ADAMTS17: variants seen among roughly 807,000 people sequenced by gnomAD.
ADAMTS17 encodes ADAM metallopeptidase with thrombospondin type 1 motif 17, also known as A disintegrin and metalloproteinase with thrombospondin motifs 17.
In ADAMTS17, 113 loss-of-function variants were observed where a neutral mutation model predicts 141.5. The ratio of observed to expected loss-of-function variants is 0.80; its 90% CI spans 0.69 to 0.93. The LOEUF (loss-of-function observed/expected upper bound fraction) is 0.93. ADAMTS17 is among the 40% of genes least tolerant of loss of function. The pLI is 0.00. For synonymous variants in ADAMTS17, 768 were observed against 630.6 expected (o/e 1.22, Z -3.27); for missense variants, 1,659 against 1,517.9 (o/e 1.09, Z -1.54).
chr15:100,221,236 G>T (rs1440708846), intron 7 of ADAMTS17, among the ~76,000 whole-genome samples: 2 of 151,302 alleles, frequency 1.3e-5, no homozygotes, highest in African/African-American at 2.4e-5. Flanking sequence ...AAAATATGCT[G>T]GAAATGTTTA....
At chr15:100,214,842 G>A (rs1301779767) in intron 7 of ADAMTS17, among the ~76,000 whole-genome samples, 1 of 152,218 alleles carries the variant, frequency 6.6e-6, no homozygotes, top group Non-Finnish European at 1.5e-5. Context: ...GACGGTCCTC[G>A]ATTATCACTA....
intron 14 of ADAMTS17, among the ~76,000 whole-genome samples, chr15:100,107,116 A>C (rs1353340284): frequency 6.6e-6 from 1 of 152,188 alleles, no homozygotes; most frequent in Non-Finnish European, 1.5e-5. Context: ...AGCAGGAAAA[A>C]GCATCTGTTT....
intron 10 of ADAMTS17, among the ~76,000 whole-genome samples, chr15:100,135,681 T>A (rs762771577): frequency 6.6e-6 from 1 of 152,164 alleles, no homozygotes; most frequent in African/African-American, 2.4e-5. Context: ...CAACAAAGTG[T>A]TTGTATCCAA....
intron 3 of ADAMTS17, among the ~76,000 whole-genome samples, chr15:100,298,203 G>A (rs1486551284): frequency 6.6e-6 from 1 of 152,160 alleles, no homozygotes; most frequent in African/African-American, 2.4e-5. Flanking sequence ...GTCAAGGGAA[G>A]ATTTCCTTGA....
Position 99,974,384 on chromosome 15 carries a change from G to C in ADAMTS17, c.*18C>G. ...TCAGACCTGAGTCTGAGCTTTGAGC[G>C]ACCCTTGGGACTGCGTGTCACGAGT... On this transcript the variant is annotated 3_prime_UTR_variant, in exon 22 of 22. Transcript: ENST00000268070. 6.2e-7 allele frequency: 1 copy of C among 1,613,960 alleles called. No homozygotes were observed. The highest frequency in any genetic ancestry group is 8.5e-7 in the Non-Finnish European group (1 of 1,180,012).
chr15:100,155,447 T>G (rs115725882), intron 8 of ADAMTS17, 127 bp from the exon 9 acceptor site: 1 of 1,312,216 alleles, frequency 7.6e-7, no homozygotes, highest in Non-Finnish European at 1.1e-6. Context: ...GTGAAAGTGG[T>G]TCTCACACAG....
chr15:100,205,850 G>A (rs2041527164), intron 7 of ADAMTS17, among the ~76,000 whole-genome samples: 2 of 152,360 alleles, frequency 1.3e-5, no homozygotes, highest in South Asian at 2.1e-4. Flanking sequence ...TCCAAGCCAA[G>A]CCTCAGGGCC....
intron 3 of ADAMTS17, among the ~76,000 whole-genome samples, chr15:100,304,671 A>T (rs551342900): frequency 1.3e-5 from 2 of 152,218 alleles, no homozygotes; most frequent in East Asian, 3.9e-4. Context: ...AGTTATTCTC[A>T]TCGCTAATTC....
At chr15:100,255,546 G>A (rs2043296709) in intron 6 of ADAMTS17, among the ~76,000 whole-genome samples, 1 of 151,280 alleles carries the variant, frequency 6.6e-6, no homozygotes, top group Non-Finnish European at 1.5e-5. Context: ...CCATGGGTGT[G>A]CTCACTGGCC....
chr15:99,999,679 G>A (rs1473657150), intron 18 of ADAMTS17, among the ~76,000 whole-genome samples: 3 of 152,124 alleles, frequency 2.0e-5, no homozygotes, highest in African/African-American at 4.8e-5. Context: ...TGTTCCTTTC[G>A]GCTCTGAGAG....
intron 8 of ADAMTS17, among the ~76,000 whole-genome samples, chr15:100,197,346 G>T (rs2041158759): frequency 6.6e-6 from 1 of 152,186 alleles, no homozygotes; most frequent in Non-Finnish European, 1.5e-5. Context: ...TCGGGTGTTG[G>T]TAAGTACTCT....
chr15:100,160,657 C>T (rs2039647885), intron 8 of ADAMTS17, among the ~76,000 whole-genome samples: 2 of 152,222 alleles, frequency 1.3e-5, no homozygotes, highest in African/African-American at 4.8e-5. Context: ...CCAACCGAAG[C>T]ACACCACGTC....
chr15:100,065,797 G>A (rs567383034), intron 15 of ADAMTS17, among the ~76,000 whole-genome samples: 2 of 152,262 alleles, frequency 1.3e-5, no homozygotes, highest in East Asian at 3.9e-4. Context: ...GTGGTTTGCT[G>A]CACCCGTCAA....
chr15:100,207,082 T>A (rs1438559006), intron 7 of ADAMTS17, among the ~76,000 whole-genome samples: 1 of 152,186 alleles, frequency 6.6e-6, no homozygotes, highest in Non-Finnish European at 1.5e-5. Flanking sequence ...AATGTCACTG[T>A]ATTTGGAGAC....
chr15:100,144,516 C>G (rs1197662671), intron 10 of ADAMTS17, among the ~76,000 whole-genome samples: 1 of 151,870 alleles, frequency 6.6e-6, no homozygotes, highest in Non-Finnish European at 1.5e-5. Context: ...TGCCACTGCT[C>G]TCCAGCCTGG....
chr15:100,281,273 C>T lies in ADAMTS17; in HGVS notation c.745G>A (p.Gly249Arg), dbSNP rs775519340. 11 of 1,607,950 alleles carry T rather than the reference C, an allele frequency of 6.8e-6. No individual in the cohort carries two copies. The highest frequency in any genetic ancestry group is 2.2e-5 in the South Asian group (2 of 91,070). Residue 249 changes from glycine (G) to arginine (R), a missense_variant, in exon 4 of 22, where the codon GGG becomes AGG. Transcript: ENST00000268070. ...VADADMVQYHGAEAAQRFILT... is the reference protein window; with the variant it reads ...VADADMVQYHRAEAAQRFILT... ...ATGAACCTCTGGGCGGCCTCGGCCC[C>T]GTGGTACTGCACCATGTCGGCGTCG...
At chr15:100,316,468 C>G (rs1005510865) in intron 3 of ADAMTS17, among the ~76,000 whole-genome samples, 3 of 152,176 alleles carry the variant, frequency 2.0e-5, no homozygotes, top group Admixed American at 2.0e-4. Flanking sequence ...GGAATCAAGC[C>G]CATTGCCTGC....
At chr15:100,292,965 TGATACAATAGG>T (rs2044694549) in intron 3 of ADAMTS17, among the ~76,000 whole-genome samples, 1 of 152,176 alleles carries the variant, frequency 6.6e-6, no homozygotes, top group African/African-American at 2.4e-5. Context: ...GACCATCTGG[TGATACAATAGG>T]CAGTATTGTC....
chr15:100,184,759 G>A (rs2040646050), intron 8 of ADAMTS17, among the ~76,000 whole-genome samples: 1 of 152,152 alleles, frequency 6.6e-6, no homozygotes, highest in South Asian at 2.1e-4. Context: ...TCATGCTGCT[G>A]TGGCCATCAC....
Sources: gnomAD v4.1 joint callset for allele counts (sites outside exome capture counted in the v4.1 genomes callset) on GRCh38, gnomAD v4.1.1 for gene constraint, MANE v1.5 for transcripts, NCBI Gene and HGNC (gene_info 2026-07-23, HGNC 2026-07-21) for gene names.